The following FBXO25 variants were observed in gnomAD, a reference collection of about 807,000 sequenced individuals.
The protein encoded by FBXO25 is F-box only protein 25.
FBXO25 carries 45 observed loss-of-function variants against 51.9 expected under a neutral mutation model. The ratio of observed to expected loss-of-function variants is 0.87; its 90% CI spans 0.68 to 1.11. The LOEUF (loss-of-function observed/expected upper bound fraction) is 1.11, where lower values mean the gene tolerates loss of function less well. FBXO25 is among the 50% of genes most tolerant of loss of function. The pLI is 0.00. For missense variants in FBXO25, 507 were observed against 428.5 expected, an observed-to-expected ratio of 1.18 and a Z score of -1.62; for synonymous variants, 199 against 151.0, an observed-to-expected ratio of 1.32 and a Z score of -2.33.
chr8:429,463 AAG>A (rs2117596298), intron 2 of FBXO25, among the ~76,000 whole-genome samples: 1 of 152,320 alleles, frequency 6.6e-6, no homozygotes, highest in East Asian at 1.9e-4. Flanking sequence ...AGGTTATAAA[AAG>A]AGAACATGTT....
chr8:416,448 C>G (rs1267198126), intron 2 of FBXO25, among the ~76,000 whole-genome samples: 1 of 152,234 alleles, frequency 6.6e-6, no homozygotes, highest in Admixed American at 6.5e-5. Flanking sequence ...ATATTCCGAA[C>G]AGAGGCTTAT....
intron 9 of FBXO25, among the ~76,000 whole-genome samples, chr8:464,453 C>T (rs1045948024): frequency 6.6e-6 from 1 of 152,202 alleles, no homozygotes; most frequent in African/African-American, 2.4e-5. Flanking sequence ...TCTGACTGTC[C>T]CTGGTCTAGA....
Position 458,530 on chromosome 8 carries a change from G to T in FBXO25, c.822G>T (p.Gln274His), listed in dbSNP as rs1799601217. 1 of 1,613,968 alleles carries T rather than the reference G, an allele frequency of 6.2e-7. No homozygotes were observed. Among genetic ancestry groups the T allele is most frequent in the African/African-American group, 1.3e-5 (1 of 74,944 alleles). Residue 274 changes from glutamine (Q) to histidine (H), a missense_variant, in exon 8 of 10, where the codon CAG (glutamine) becomes CAT (histidine). Coordinates refer to ENST00000350302, the MANE Select transcript of FBXO25 (RefSeq NM_183420.2). ...GACAGCTGTGGAAGAAGCTTTGTCA[G>T]TACCATTTTGCTGAAAAGCAGGTGA... ...EDRQLWKKLC[Q>H]YHFAEKQFCR...
chr8:475,324 A>G lies in FBXO25; in HGVS notation c.*6520A>G. 1 of 165,394 alleles carries G rather than the reference A, an allele frequency of 6.0e-6. No homozygotes were observed. 10.2% of individuals were successfully genotyped at this position (165,394 alleles called of 1,614,324 possible). ...ACATGACTGTCTTTGTTTCAATACA[A>G]CACCATTTTGATTATTGTAGCTTTG... is the stretch of plus-strand genomic sequence containing the variant. On this transcript the variant is annotated 3_prime_UTR_variant, in exon 10 of 10. Coordinates refer to ENST00000350302, the MANE Select transcript of FBXO25 (RefSeq NM_183420.2).
At chr8:462,704 A>G (rs1799890965) in intron 8 of FBXO25, among the ~76,000 whole-genome samples, 2 of 152,170 alleles carry the variant, frequency 1.3e-5, no homozygotes, top group Non-Finnish European at 2.9e-5. Flanking sequence ...ACGGGTACAC[A>G]AAGGCATTCA....
At chr8:440,532 G>C (rs1460037725) in intron 5 of FBXO25, among the ~76,000 whole-genome samples, 1 of 151,940 alleles carries the variant, frequency 6.6e-6, no homozygotes, top group Non-Finnish European at 1.5e-5. Context: ...TATAAACTTT[G>C]ATTTTCCTCT....
At chr8:461,066 AG>A (rs1320327448) in intron 8 of FBXO25, among the ~76,000 whole-genome samples, 1 of 152,230 alleles carries the variant, frequency 6.6e-6, no homozygotes, top group Non-Finnish European at 1.5e-5. Flanking sequence ...TTACTCCTTT[AG>A]CCCGTGCATT....
intron 6 of FBXO25, 78 bp from the exon 7 acceptor site, chr8:451,191 T>C: frequency 8.0e-7 from 1 of 1,254,628 alleles, no homozygotes; most frequent in Non-Finnish European, 1.1e-6. Flanking sequence ...CAGTGGACAT[T>C]TGGGTTATGA....
chr8:467,577 C>G (rs773669038), intron 9 of FBXO25: 24 of 821,554 alleles, frequency 2.9e-5, no homozygotes, highest in Non-Finnish European at 4.3e-5. Context: ...ATTTAGTTAC[C>G]TGATGTTTTT....
At chr8:414,659 C>A (rs186921628) in intron 2 of FBXO25, among the ~76,000 whole-genome samples, 271 of 152,264 alleles carry the variant, frequency 1.8e-3, no homozygotes, top group African/African-American at 6.3e-3. Context: ...GTTTTCTTTG[C>A]ATAACTGGCT....
intron 7 of FBXO25, 125 bp from the exon 8 acceptor site, chr8:458,244 T>A: frequency 9.1e-7 from 1 of 1,100,248 alleles, no homozygotes; most frequent in Non-Finnish European, 1.3e-6. Context: ...TTGCGACGCA[T>A]GACATGGAGA....
chr8:418,449 C>T (rs779128165), intron 2 of FBXO25, among the ~76,000 whole-genome samples: 5 of 145,310 alleles, frequency 3.4e-5, no homozygotes, highest in Non-Finnish European at 6.0e-5. Flanking sequence ...AAGCAATTCT[C>T]CTGCCTCAGC....
rs758367840 is a variant in FBXO25 at position 467,772 on chromosome 8, C to A, written c.988-943C>A. On this transcript the variant is annotated intron_variant, in intron 9 of 9. Transcript: ENST00000350302. ...GTACTTCCCTGTCTTGCCACACATC[C>A]TGTGTTCGGGATGAAAACGTTGCAT... 8.1e-6 allele frequency: 13 copies of A among 1,613,380 alleles called. No homozygotes were observed. The Admixed American group carries it at 2.0e-4, about 25-fold the overall frequency.
intron 1 of FBXO25, among the ~76,000 whole-genome samples, chr8:408,623 G>A (rs758689410): frequency 4.6e-5 from 7 of 152,220 alleles, no homozygotes; most frequent in African/African-American, 1.7e-4. Flanking sequence ...TCTAATAAAT[G>A]TTTGCCATTA....
chr8:459,211 G>T (rs1282166296), intron 8 of FBXO25, among the ~76,000 whole-genome samples: 1 of 152,232 alleles, frequency 6.6e-6, no homozygotes, highest in African/African-American at 2.4e-5. Flanking sequence ...GCCAGAGAAG[G>T]CAGGTGGCTG....
At chr8:428,702 C>A (rs1400663979) in intron 2 of FBXO25, among the ~76,000 whole-genome samples, 1 of 152,172 alleles carries the variant, frequency 6.6e-6, no homozygotes, top group Admixed American at 6.5e-5. Flanking sequence ...ACTTTTCATT[C>A]TCCAGCACCC....
At position 463,492 on chromosome 8, in the gene FBXO25, G is replaced by A. The variant is rs1429881739; in HGVS notation, c.987+342G>A. Among the ~76,000 whole-genome samples the A allele has an allele frequency of 8.5e-5, 13 of 152,176 alleles. 1 individual carries two copies. The highest frequency in any genetic ancestry group is 7.9e-4 in the Admixed American group (12 of 15,276). On this transcript the variant is annotated intron_variant, in intron 9 of 9. Coordinates refer to ENST00000350302, the MANE Select transcript of FBXO25 (RefSeq NM_183420.2). Reference sequence around the variant, plus strand: ...TTGAAGGCTGGAGTGTGACCCCTCTGCCCATCTGAGGACAAGTGCACCTTC... The same window carrying A: ...TTGAAGGCTGGAGTGTGACCCCTCTACCCATCTGAGGACAAGTGCACCTTC...
chr8:439,041 C>G (rs1193675431), intron 5 of FBXO25, among the ~76,000 whole-genome samples: 2 of 152,238 alleles, frequency 1.3e-5, no homozygotes, highest in Non-Finnish European at 2.9e-5. Flanking sequence ...AGGAGCTGCA[C>G]TTCCATGAAC....
chr8:435,570 T>A (rs1380069418), intron 4 of FBXO25, 45 bp from the exon 5 acceptor site: 1 of 1,586,130 alleles, frequency 6.3e-7, no homozygotes, highest in Non-Finnish European at 8.5e-7. Context: ...CTGCCAATTC[T>A]TTTTGGCTAA....
Sources: allele counts gnomAD v4.1 joint callset (sites outside exome capture counted in the v4.1 genomes callset), GRCh38; gene constraint gnomAD v4.1.1; transcripts MANE v1.5; gene names NCBI Gene and HGNC (gene_info 2026-07-23, HGNC 2026-07-21).